The following SCAP variants were observed in gnomAD, a reference collection of about 807,000 sequenced individuals.
SCAP encodes the protein SREBF chaperone.
Under a neutral mutation model 123.6 loss-of-function variants are expected in SCAP, and 65 were observed. The observed-to-expected ratio is 0.53, with a 90% CI of 0.43 to 0.65. The LOEUF is 0.65. Ranked by LOEUF, SCAP falls within the 30% of genes least tolerant of loss-of-function variation. The pLI is 0.00. For synonymous variants in SCAP, 740 were observed against 726.3 expected (o/e 1.02, Z -0.30); for missense variants, 1,398 against 1,712.5 (o/e 0.82, Z 3.24).
At chr3:47,427,109 A>G (rs373142161) in intron 6 of SCAP, 48 bp downstream of exon 6, 2 of 1,373,526 alleles carry the variant, frequency 1.5e-6, no homozygotes, top group Non-Finnish European at 2.1e-6. Flanking sequence ...TCAAAGCCTC[A>G]TGTCACCCAG....
At chr3:47,423,099 A>G (rs1705978078) in intron 9 of SCAP, among the ~76,000 whole-genome samples, 1 of 152,196 alleles carries the variant, frequency 6.6e-6, no homozygotes, top group Non-Finnish European at 1.5e-5. Context: ...TATCCAGCAC[A>G]GGGCCTGGCT....
chr3:47,433,386 T>C (rs998721785), intron 3 of SCAP, among the ~76,000 whole-genome samples: 32 of 152,302 alleles, frequency 2.1e-4, no homozygotes, highest in African/African-American at 7.2e-4. Context: ...ACAATGCTCC[T>C]GATTCCCGAG....
At chr3:47,423,682 T>C (rs1216374506) in intron 9 of SCAP, among the ~76,000 whole-genome samples, 1 of 152,222 alleles carries the variant, frequency 6.6e-6, no homozygotes, top group Admixed American at 6.5e-5. Context: ...GTGTGAGCCA[T>C]GGCACCCAGC....
chr3:47,419,337 A>G lies in SCAP; in HGVS notation c.1931T>C (p.Leu644Pro). The G allele has an allele frequency of 6.2e-7, 1 of 1,609,978 alleles. No individual in the cohort carries two copies. Among genetic ancestry groups the G allele is most frequent in the Non-Finnish European group, 8.5e-7 (1 of 1,177,676 alleles). Residue 644 changes from leucine to proline, a missense_variant, in exon 13 of 23, where the codon CTG becomes CCG. Transcript: ENST00000265565. This position sits in a 1 kb window ranked among gnomAD's most constrained non-coding sequence, Gnocchi z 5.0. Reference sequence around the variant, plus strand: ...GCACGGCCCAGCTCACCTCTTGGCCAGTGTGATGTTGTAATAGCTGAAGAG... The same window carrying G: ...GCACGGCCCAGCTCACCTCTTGGCCGGTGTGATGTTGTAATAGCTGAAGAG... Reference protein sequence around the residue: ...PTLFSYYNITLAKRYISLLPV... With the variant: ...PTLFSYYNITPAKRYISLLPV...
At chr3:47,462,289 T>C (rs1023739906) in intron 1 of SCAP, among the ~76,000 whole-genome samples, 2 of 152,178 alleles carry the variant, frequency 1.3e-5, no homozygotes, top group Non-Finnish European at 2.9e-5. Flanking sequence ...GTTTACTATA[T>C]AACTTGTCAA....
chr3:47,425,803 G>A (rs1387463456), intron 7 of SCAP, among the ~76,000 whole-genome samples, 192 bp from the exon 8 acceptor site: 1 of 152,194 alleles, frequency 6.6e-6, no homozygotes, highest in Non-Finnish European at 1.5e-5. Context: ...CCCAGGAAGG[G>A]GCTGAAAGTG....
At chr3:47,435,675 C>CTA (rs2107872338) in intron 2 of SCAP, among the ~76,000 whole-genome samples, 1 of 152,110 alleles carries the variant, frequency 6.6e-6, no homozygotes, top group Non-Finnish European at 1.5e-5. Context: ...CGTAAGCAAC[C>CTA]GTGCCTGGCT....
intron 18 of SCAP, among the ~76,000 whole-genome samples, 180 bp downstream of exon 18, chr3:47,416,942 A>C (rs1311616436): frequency 6.6e-6 from 1 of 152,138 alleles, no homozygotes; most frequent in East Asian, 1.9e-4. Flanking sequence ...AACGCTTTTA[A>C]TTGTTACCTT....
intron 7 of SCAP, among the ~76,000 whole-genome samples, 165 bp from the exon 8 acceptor site, chr3:47,425,776 C>T (rs1215940869): frequency 6.6e-6 from 1 of 152,230 alleles, no homozygotes; most frequent in Non-Finnish European, 1.5e-5. Context: ...ACACAGTACA[C>T]CTTTTAGGAA....
intron 18 of SCAP, 139 bp downstream of exon 18, chr3:47,416,983 G>A (rs1389165135): frequency 2.7e-5 from 20 of 736,062 alleles, no homozygotes; most frequent in South Asian, 2.4e-4. Context: ...TCTGCTCACA[G>A]GTGTGGAGCT....
rs1708219040 is a variant in SCAP at position 47,475,192 on chromosome 3, T to C, written c.-99+607A>G. Among the ~76,000 whole-genome samples, 7 of 149,172 alleles carry C rather than the reference T, an allele frequency of 4.7e-5. 1 individual carries two copies. In the South Asian group the frequency reaches 1.5e-3, roughly 32 times the overall value. ...CCCTCCGCATTCCCATCTGCACAAC[T>C]TTCTGTGATTCAAACAGTCCGGAGC... On this transcript the variant is annotated intron_variant, in intron 1 of 22. Coordinates refer to ENST00000265565, the MANE Select transcript of SCAP (RefSeq NM_012235.4).
In SCAP at chr3:47,414,703, T is replaced by C. The variant is rs1705485798; in HGVS notation, c.3307-51A>G. The C allele has an allele frequency of 1.9e-6, 3 of 1,611,866 alleles. No homozygotes were observed. The highest frequency in any genetic ancestry group is 2.2e-5 in the South Asian group (2 of 91,062). The stretch of plus-strand genomic sequence containing the variant: ...CTGGTCTCTGGGATTTTCCAAGTTA[T>C]ACTTTGGCTGGGAAATGCCCTCTGT... On this transcript the variant is annotated intron_variant, in intron 20 of 22. Coordinates refer to ENST00000265565, the MANE Select transcript of SCAP (RefSeq NM_012235.4).
Position 47,413,712 on chromosome 3 carries a change from T to G in SCAP, c.*142A>C. The G allele has an allele frequency of 8.6e-7, 1 of 1,163,662 alleles. No individual in the cohort carries two copies. Among genetic ancestry groups the G allele is most frequent in the South Asian group, 1.5e-5 (1 of 66,676 alleles). The allele number at this position is 1,163,662 out of a possible 1,614,324, so 72.1% of individuals were successfully genotyped here. A position where few individuals can be genotyped will look rare whatever the true frequency, so the allele number is the denominator to read the frequency against. On this transcript the variant is annotated 3_prime_UTR_variant, in exon 23 of 23. Coordinates refer to ENST00000265565, the MANE Select transcript of SCAP (RefSeq NM_012235.4). ...CCAAAGTGCCTGACAGATGATGATA[T>G]GGTTTTTTAAAAAAGTTTAATATTA...
At chr3:47,467,763 A>T (rs1559572095) in intron 1 of SCAP, among the ~76,000 whole-genome samples, 2 of 152,192 alleles carry the variant, frequency 1.3e-5, no homozygotes, top group African/African-American at 4.8e-5. Context: ...CCTTGGGTAC[A>T]TGTGCACAAC....
At chr3:47,469,955 A>C (rs1196293778) in intron 1 of SCAP, 1 of 377,688 alleles carries the variant, frequency 2.6e-6, no homozygotes, top group African/African-American at 2.2e-5. Flanking sequence ...TGAAGAGAGA[A>C]GCGGTTTTGA....
intron 9 of SCAP, chr3:47,422,742 G>C: frequency 2.0e-6 from 1 of 502,038 alleles, no homozygotes; most frequent in Non-Finnish European, 3.6e-6. Context: ...CTGCTACGGG[G>C]AACGGGTGTT....
In SCAP at chr3:47,470,775, C is replaced by T. The variant is rs767388649; in HGVS notation, c.-99+5024G>A. 5.9e-5 allele frequency among the ~76,000 whole-genome samples: 9 copies of T among 152,186 alleles called. No homozygotes were observed. The South Asian group carries it at 8.3e-4, about 14-fold the overall frequency. ...ACTTGGGAGGCTGAGGCAGGAGAGT[C>T]GCTTGAACCCAGGGGGGCGAAGGTT... On this transcript the variant is annotated intron_variant, in intron 1 of 22. Coordinates refer to ENST00000265565, the MANE Select transcript of SCAP (RefSeq NM_012235.4).
At chr3:47,460,847 C>A (rs747222086) in intron 1 of SCAP, among the ~76,000 whole-genome samples, 2 of 152,128 alleles carry the variant, frequency 1.3e-5, no homozygotes, top group Non-Finnish European at 2.9e-5. Context: ...TGAGCCACTG[C>A]GCCCAGCAAG....
intron 10 of SCAP, among the ~76,000 whole-genome samples, chr3:47,421,829 CCTT>C (rs1411483095): frequency 1.3e-5 from 2 of 152,276 alleles, no homozygotes; most frequent in Non-Finnish European, 2.9e-5. Context: ...TCCTGCAACT[CCTT>C]CTGGAATGGC....
Sources: allele counts gnomAD v4.1 joint callset (sites outside exome capture counted in the v4.1 genomes callset), GRCh38; gene constraint gnomAD v4.1.1; non-coding constraint Gnocchi (gnomAD v3.1); transcripts MANE v1.5; gene names NCBI Gene and HGNC (gene_info 2026-07-23, HGNC 2026-07-21).